NPHP4: variants seen among roughly 807,000 people sequenced by gnomAD.
NPHP4 encodes nephrocystin 4.
A neutral mutation model predicts 155.8 loss-of-function variants in NPHP4; 151 were observed. The ratio of observed to expected loss-of-function variants is 0.97; its 90% CI spans 0.85 to 1.11. NPHP4 has a LOEUF of 1.11. Ranked by LOEUF, NPHP4 falls within the 50% of genes least tolerant of loss-of-function variation. The pLI, the probability that NPHP4 is intolerant of heterozygous loss-of-function variation, is 0.00. For missense variants in NPHP4, 1,956 were observed against 1,925.7 expected (o/e 1.02, Z -0.29); for synonymous variants, 845 against 816.8 (o/e 1.03, Z -0.59).
At chr1:5,972,791 C>T (rs1233304026) in intron 3 of NPHP4, among the ~76,000 whole-genome samples, 7 of 152,088 alleles carry the variant, frequency 4.6e-5, no homozygotes, top group Non-Finnish European at 8.8e-5. Flanking sequence ...TATTTGGTTA[C>T]ATGAGGAAGC....
chr1:5,927,316 G>A (rs924230092), intron 11 of NPHP4, among the ~76,000 whole-genome samples: 6 of 152,146 alleles, frequency 3.9e-5, no homozygotes, highest in African/African-American at 9.7e-5. Flanking sequence ...GCAAGGTGGC[G>A]GTCCTCGGCT....
chr1:5,870,681 C>T (rs182090502), intron 23 of NPHP4, among the ~76,000 whole-genome samples: 1 of 152,316 alleles, frequency 6.6e-6, no homozygotes, highest in African/African-American at 2.4e-5. Flanking sequence ...AAAACAGTAA[C>T]ATCGCCAGTA....
rs889993799 is a variant in NPHP4, at chr1:5,944,173, G to A, written c.1119+2931C>T. Among the ~76,000 whole-genome samples, 3 of 152,332 alleles carry A rather than the reference G, an allele frequency of 2.0e-5. No individual in the cohort carries two copies. The highest frequency in any genetic ancestry group is 2.1e-4 in the South Asian group (1 of 4,824). Reference sequence around the variant, plus strand: ...CAGATTGTCCAGGAAGCTGGCAGCCGGGGAAGCTCCGTGGGGCCCATCGCA... The same window carrying A: ...CAGATTGTCCAGGAAGCTGGCAGCCAGGGAAGCTCCGTGGGGCCCATCGCA... On this transcript the variant is annotated intron_variant, in intron 9 of 29. Transcript: ENST00000378156. This position sits in a 1 kb window ranked among gnomAD's most constrained non-coding sequence, Gnocchi z 4.3.
intron 17 of NPHP4, among the ~76,000 whole-genome samples, chr1:5,888,914 T>A (rs903575025): frequency 1.1e-4 from 16 of 152,084 alleles, no homozygotes; most frequent in African/African-American, 3.9e-4. Flanking sequence ...GAGAAGAGGA[T>A]GGTAAATAGC....
At chr1:5,874,129 G>C (rs1212859734) in intron 22 of NPHP4, among the ~76,000 whole-genome samples, 1 of 152,182 alleles carries the variant, frequency 6.6e-6, no homozygotes, top group African/African-American at 2.4e-5. Flanking sequence ...CAGTGCTGCA[G>C]TCGGAAGGGA....
chr1:5,887,986 G>C (rs920717594), intron 17 of NPHP4, among the ~76,000 whole-genome samples: 2 of 152,238 alleles, frequency 1.3e-5, no homozygotes, highest in African/African-American at 4.8e-5. Flanking sequence ...AGGGCACAGG[G>C]TACAGGGTAC....
rs145092758 is a variant in NPHP4 at position 5,980,802 on chromosome 1, G to A, written c.136-2389C>T. On this transcript the variant is annotated intron_variant, in intron 2 of 29. Coordinates refer to ENST00000378156, the MANE Select transcript of NPHP4 (RefSeq NM_015102.5). ...GGTGTTATCCATGAGGACAGGGAAG[G>A]TGGGCAGAGCAGGTCTGAAGACTCC... Among the ~76,000 whole-genome samples the A allele has an allele frequency of 9.8e-3, 1,497 of 151,980 alleles. 67 individuals carry two copies. The highest frequency in any genetic ancestry group is 0.079 in the Admixed American group (1,206 of 15,278).
rs1645401189 is a variant in NPHP4, at chr1:5,915,107, GGAGA to G, written c.1442-5898_1442-5895del. Among the ~76,000 whole-genome samples, 2 of 152,228 alleles carry G rather than the reference GGAGA, an allele frequency of 1.3e-5. 1 individual carries two copies. The highest frequency in any genetic ancestry group is 4.8e-5 in the African/African-American group (2 of 41,458). On this transcript the variant is annotated intron_variant, in intron 11 of 29. Transcript: ENST00000378156. ...TACCTATGGGGTCAGCAATTCCGTG[GGAGA>G]GAGAAGTCCTGAGGGAGGAGGGAGA...
rs775765661 is a variant in NPHP4 at position 5,877,142 on chromosome 1, C to T, written c.2768G>A (p.Arg923His). 13 of 1,594,728 alleles carry T rather than the reference C, an allele frequency of 8.2e-6. No homozygotes were observed. The highest frequency in any genetic ancestry group is 4.5e-5 in the East Asian group (2 of 44,252). ...RRKLERMRSVRLQEAGGDLGR... is the reference protein window; with the variant it reads ...RRKLERMRSVHLQEAGGDLGR... The stretch of plus-strand genomic sequence containing the variant: ...CAAGTCTCCCCCGGCCTCCTGCAGG[C>T]GCACAGACCTCATCCGCTCCAGCTT... Residue 923 changes from arginine (R) to histidine (H), a missense_variant, in exon 20 of 30, where the codon CGC becomes CAC. Transcript: ENST00000378156.
intron 9 of NPHP4, among the ~76,000 whole-genome samples, chr1:5,938,954 A>G (rs1220586017): frequency 6.6e-6 from 1 of 152,246 alleles, no homozygotes; most frequent in African/African-American, 2.4e-5. Flanking sequence ...ATTGACGGAA[A>G]ATTACTGTAT....
At chr1:5,879,667 G>A (rs529441676) in intron 19 of NPHP4, 17 of 509,786 alleles carry the variant, frequency 3.3e-5, no homozygotes, top group East Asian at 1.6e-4. Flanking sequence ...GTGGTGGCTC[G>A]GTGGGGCCTG....
chr1:5,879,999 T>C, intron 19 of NPHP4, 115 bp downstream of exon 19: 1 of 1,248,154 alleles, frequency 8.0e-7, no homozygotes, highest in Non-Finnish European at 1.1e-6. Context: ...GCACCACGAA[T>C]GGTGCACACA....
intron 23 of NPHP4, among the ~76,000 whole-genome samples, chr1:5,872,232 T>C (rs1217707930): frequency 6.6e-6 from 1 of 152,208 alleles, no homozygotes; most frequent in Non-Finnish European, 1.5e-5. Flanking sequence ...TGTGCTACAT[T>C]GGCACAGAAA....
rs751732786 is a variant in NPHP4 at position 5,905,742 on chromosome 1, G to A, written c.1653C>T (p.Ala551=). The change falls in exon 14 of 30, where the codon GCC becomes GCT. Residue 551 remains alanine (A), a synonymous_variant. Transcript: ENST00000378156. This position sits in a 1 kb window ranked among gnomAD's most constrained non-coding sequence, Gnocchi z 4.0. ...GGACCAGGGAGGTCTGGCTCAGGTC[G>A]GCTTCCAGGTGGGAGATACCGGCCT... The part of the protein sequence containing the change: ...PLEAGISHLE[A]DLSQTSLVLE... 8.7e-6 allele frequency: 14 copies of A among 1,612,492 alleles called. No homozygotes were observed. The highest frequency in any genetic ancestry group is 8.0e-5 in the African/African-American group (6 of 74,864).
chr1:5,900,152 T>C (rs1047047253), intron 16 of NPHP4, among the ~76,000 whole-genome samples: 3 of 152,184 alleles, frequency 2.0e-5, no homozygotes, highest in Non-Finnish European at 4.4e-5. Context: ...GACAGTATGG[T>C]GACTCCTAAC....
chr1:5,919,074 G>A (rs138874887), intron 11 of NPHP4, among the ~76,000 whole-genome samples: 17 of 152,218 alleles, frequency 1.1e-4, no homozygotes, highest in Non-Finnish European at 2.2e-4. Context: ...ACACAGCCAC[G>A]TCCATTCATT....
Position 5,867,871 on chromosome 1 carries a change from T to C in NPHP4, c.3341A>G (p.Lys1114Arg), listed in dbSNP as rs1183093748. The C allele has an allele frequency of 6.2e-7, 1 of 1,613,816 alleles. No individual in the cohort carries two copies. The highest frequency in any genetic ancestry group is 1.3e-5 in the African/African-American group (1 of 74,918). Reference protein sequence around the residue: ...AKVLFRASGGKPIAVLCLTVE... With the variant: ...AKVLFRASGGRPIAVLCLTVE... ...AGTCAGGCAGAGCACGGCGATGGGC[T>C]TGCCACCACTCGCTCGGAACAAGAC... The change falls in exon 24 of 30, where the codon AAG (lysine) becomes AGG (arginine). Residue 1114 changes from lysine (K) to arginine (R), a missense_variant. Coordinates refer to ENST00000378156, the MANE Select transcript of NPHP4 (RefSeq NM_015102.5). The surrounding 1 kb of genome is among the most constrained non-coding windows in gnomAD (Gnocchi z 4.1).
intron 9 of NPHP4, among the ~76,000 whole-genome samples, chr1:5,941,944 G>A (rs1384337374): frequency 6.6e-6 from 1 of 152,162 alleles, no homozygotes; most frequent in African/African-American, 2.4e-5. Context: ...AAGCATAAAC[G>A]ACGCCAACCC....
intron 11 of NPHP4, among the ~76,000 whole-genome samples, chr1:5,920,236 T>G (rs1645674670): frequency 6.6e-6 from 1 of 152,080 alleles, no homozygotes; most frequent in Non-Finnish European, 1.5e-5. Context: ...CGGCCTTAAG[T>G]TTTTTGTAGA....
Sources: gnomAD v4.1 joint callset for allele counts (sites outside exome capture counted in the v4.1 genomes callset) on GRCh38, gnomAD v4.1.1 for gene constraint, Gnocchi (gnomAD v3.1) non-coding constraint, MANE v1.5 for transcripts, NCBI Gene and HGNC (gene_info 2026-07-23, HGNC 2026-07-21) for gene names.